The following TMEM132D variants were observed in gnomAD, a reference collection of about 807,000 sequenced individuals.
TMEM132D encodes the protein mature OL transmembrane protein.
A neutral mutation model predicts 62.3 loss-of-function variants in TMEM132D; 21 were observed. That is an observed-to-expected ratio of 0.34 (90% CI 0.24 to 0.49). TMEM132D has a LOEUF of 0.49. Among genes scored for constraint, TMEM132D ranks in the 20% least tolerant of loss-of-function variants. The pLI, the probability that TMEM132D is intolerant of heterozygous loss-of-function variation, is 0.99. For synonymous variants in TMEM132D, 621 were observed against 575.6 expected, an observed-to-expected ratio of 1.08 and a Z score of -1.13; for missense variants, 1,346 against 1,402.8, an observed-to-expected ratio of 0.96 and a Z score of 0.65.
chr12:129,569,914 C>A (rs963600701), intron 2 of TMEM132D, among the ~76,000 whole-genome samples: 1 of 152,150 alleles, frequency 6.6e-6, no homozygotes, highest in East Asian at 1.9e-4. Flanking sequence ...TTGAAATGGA[C>A]GTATCCTACT....
chr12:129,869,803 T>C (rs1239869039), intron 1 of TMEM132D, among the ~76,000 whole-genome samples: 4 of 152,168 alleles, frequency 2.6e-5, no homozygotes, highest in Non-Finnish European at 5.9e-5. Flanking sequence ...GTTCTGCCAA[T>C]GGGTCATTGC....
At chr12:129,326,261 G>A (rs1462176656) in intron 4 of TMEM132D, among the ~76,000 whole-genome samples, 9 of 152,044 alleles carry the variant, frequency 5.9e-5, no homozygotes, top group East Asian at 1.9e-4. Context: ...TTCATTCAAG[G>A]AGATAAAAGT....
intron 4 of TMEM132D, among the ~76,000 whole-genome samples, chr12:129,292,207 C>T (rs776247967): frequency 1.3e-5 from 2 of 152,164 alleles, no homozygotes; most frequent in Non-Finnish European, 2.9e-5. Context: ...AAGAAGATTC[C>T]TAAGTCTTCC....
At chr12:129,532,880 G>A (rs949070243) in intron 2 of TMEM132D, among the ~76,000 whole-genome samples, 5 of 152,148 alleles carry the variant, frequency 3.3e-5, no homozygotes, top group Non-Finnish European at 7.3e-5. Flanking sequence ...GTGACTCCAC[G>A]GGGAGAGGAT....
chr12:129,748,901 T>C (rs1869907542), intron 1 of TMEM132D, among the ~76,000 whole-genome samples: 1 of 152,216 alleles, frequency 6.6e-6, no homozygotes, highest in Non-Finnish European at 1.5e-5. Flanking sequence ...TTACTTTTTG[T>C]ACCTGCACCT....
chr12:129,496,102 T>C (rs1242847251), intron 3 of TMEM132D, among the ~76,000 whole-genome samples: 1 of 152,200 alleles, frequency 6.6e-6, no homozygotes, highest in African/African-American at 2.4e-5. Context: ...CACTTCACTA[T>C]TCCTCATAGT....
At chr12:129,169,035 A>G (rs1877642845) in intron 5 of TMEM132D, among the ~76,000 whole-genome samples, 2 of 152,336 alleles carry the variant, frequency 1.3e-5, no homozygotes, top group Admixed American at 1.3e-4. Flanking sequence ...CTTTGCTGAA[A>G]TCAGGCTGCT....
chr12:129,723,662 AG>A (rs1443276568), intron 1 of TMEM132D, among the ~76,000 whole-genome samples: 1 of 152,202 alleles, frequency 6.6e-6, no homozygotes, highest in Non-Finnish European at 1.5e-5. Flanking sequence ...CCTTGCTCAC[AG>A]GGCTAACAGC....
intron 2 of TMEM132D, among the ~76,000 whole-genome samples, chr12:129,621,513 C>T (rs1017401409): frequency 5.5e-5 from 5 of 90,648 alleles, no homozygotes; most frequent in African/African-American, 2.1e-4. Flanking sequence ...GGCCAAAATG[C>T]TGTGCTTGCA....
At chr12:129,137,381 CA>C (rs1051020067) in intron 5 of TMEM132D, among the ~76,000 whole-genome samples, 1 of 152,168 alleles carries the variant, frequency 6.6e-6, no homozygotes, top group Non-Finnish European at 1.5e-5. Flanking sequence ...GAAAATCTTA[CA>C]CTACAGGTAC....
rs577133385 is a variant in TMEM132D, at chr12:129,672,251, A to G, written c.968+27559T>C. On this transcript the variant is annotated intron_variant, in intron 2 of 8. Transcript: ENST00000422113. ...ACGTGACCACGTTCCAGCCAAGGGC[A>G]TTTGGGCAAAAGCAATGCCCACTTC... 7.2e-5 allele frequency among the ~76,000 whole-genome samples: 11 copies of G among 152,328 alleles called. No individual in the cohort carries two copies. In the East Asian group the frequency reaches 2.1e-3, roughly 29 times the overall value.
chr12:129,335,605 C>T (rs537548315), intron 4 of TMEM132D, among the ~76,000 whole-genome samples: 6 of 152,020 alleles, frequency 3.9e-5, no homozygotes, highest in Non-Finnish European at 7.4e-5. Context: ...CTGGGAGACT[C>T]GTAATGACCA....
At chr12:129,319,424 T>G (rs1477396368) in intron 4 of TMEM132D, among the ~76,000 whole-genome samples, 1 of 152,180 alleles carries the variant, frequency 6.6e-6, no homozygotes, top group Non-Finnish European at 1.5e-5. Flanking sequence ...CTTTCCCACT[T>G]TCACAGTTGG....
intron 5 of TMEM132D, among the ~76,000 whole-genome samples, chr12:129,161,068 G>T (rs1217829541): frequency 6.6e-6 from 1 of 152,150 alleles, no homozygotes; most frequent in Admixed American, 6.5e-5. Context: ...AAAGCAATGT[G>T]ATAAAAAACT....
intron 3 of TMEM132D, among the ~76,000 whole-genome samples, chr12:129,446,502 G>T (rs1873101506): frequency 6.6e-6 from 1 of 152,148 alleles, no homozygotes; most frequent in South Asian, 2.1e-4. Context: ...TGTCCTTATG[G>T]GGAATAAAGG....
intron 2 of TMEM132D, among the ~76,000 whole-genome samples, chr12:129,654,615 A>G (rs1358211130): frequency 6.6e-6 from 1 of 152,200 alleles, no homozygotes; most frequent in Non-Finnish European, 1.5e-5. Context: ...AGCCCCCAAC[A>G]AAATTCATGC....
At chr12:129,899,147 TGATAGATG>T (rs1875247056) in intron 1 of TMEM132D, among the ~76,000 whole-genome samples, 2 of 132,834 alleles carry the variant, frequency 1.5e-5, no homozygotes, top group Non-Finnish European at 3.2e-5. Flanking sequence ...ATGGATGAAA[TGATAGATG>T]GATAGATGGA....
chr12:129,836,516 G>A (rs928050494), intron 1 of TMEM132D, among the ~76,000 whole-genome samples: 7 of 148,772 alleles, frequency 4.7e-5, no homozygotes, highest in East Asian at 2.0e-4. Flanking sequence ...GTGTGTGTGT[G>A]CGCGCGTGTG....
intron 3 of TMEM132D, among the ~76,000 whole-genome samples, chr12:129,510,247 C>G (rs1875458837): frequency 6.6e-6 from 1 of 151,882 alleles, no homozygotes; most frequent in Non-Finnish European, 1.5e-5. Flanking sequence ...TTTCATATGC[C>G]ATTTGTATGA....
Sources: allele counts gnomAD v4.1 joint callset (sites outside exome capture counted in the v4.1 genomes callset), GRCh38; gene constraint gnomAD v4.1.1; transcripts MANE v1.5; gene names NCBI Gene and HGNC (gene_info 2026-07-23, HGNC 2026-07-21).